IL2RB: variants seen among roughly 807,000 people sequenced by gnomAD.
The protein encoded by IL2RB is interleukin 2 receptor subunit beta, also known as interleukin-2 receptor subunit beta.
A neutral mutation model predicts 44.2 loss-of-function variants in IL2RB; 17 were observed. That is an observed-to-expected ratio of 0.38 (90% CI 0.26 to 0.58). The LOEUF (loss-of-function observed/expected upper bound fraction) is 0.58. Among genes scored for constraint, IL2RB ranks in the 20% least tolerant of loss-of-function variants. The pLI, the probability that IL2RB is intolerant of heterozygous loss-of-function variation, is 0.63. For synonymous variants in IL2RB, 286 were observed against 297.9 expected (o/e 0.96, Z 0.41); for missense variants, 624 against 685.5 (o/e 0.91, Z 1.00).
chr22:37,131,885 C>A (rs1921449182), intron 9 of IL2RB, among the ~76,000 whole-genome samples: 1 of 152,174 alleles, frequency 6.6e-6, no homozygotes, highest in African/African-American at 2.4e-5. Context: ...TACAGGCATG[C>A]ACCACCAGCC....
chr22:37,137,288 G>C (rs533297464), intron 6 of IL2RB, among the ~76,000 whole-genome samples: 9 of 152,354 alleles, frequency 5.9e-5, no homozygotes, highest in African/African-American at 1.7e-4. Flanking sequence ...GTGGAGGGTT[G>C]GCTTCCCTGG....
intron 1 of IL2RB, among the ~76,000 whole-genome samples, chr22:37,171,955 G>A (rs1364557263): frequency 6.6e-6 from 1 of 152,092 alleles, no homozygotes; most frequent in Non-Finnish European, 1.5e-5. Context: ...CCAATACACT[G>A]TGTTTCCCTC....
chr22:37,151,114 T>A (rs972637732), upstream of IL2RB, among the ~76,000 whole-genome samples: 1 of 152,240 alleles, frequency 6.6e-6, no homozygotes, highest in Admixed American at 6.5e-5. Context: ...CTGGATCATA[T>A]AGTAGTTCTA....
rs185302974 is a variant in IL2RB at position 37,129,618 on chromosome 22, A to G, written c.904-770T>C. On this transcript the variant is annotated intron_variant, in intron 9 of 9. Coordinates refer to ENST00000216223, the MANE Select transcript of IL2RB (RefSeq NM_000878.5). ...TGTGTGACCCTGGGAGGGCCCCTGC[A>G]CCTCTCTGGGCCTCAGTTTCCACAA... Among the ~76,000 whole-genome samples the G allele has an allele frequency of 4.4e-3, 668 of 152,078 alleles. 5 individuals are homozygous for G. Among genetic ancestry groups the G allele is most frequent in the African/African-American group, 0.015 (617 of 41,450 alleles).
chr22:37,127,988 C>G lies in IL2RB; in HGVS notation c.*108G>C, dbSNP rs958049157. The G allele has an allele frequency of 5.4e-6, 5 of 926,374 alleles. No homozygotes were observed. In the African/African-American group the frequency reaches 8.7e-5, roughly 16 times the overall value. 57.4% of individuals were successfully genotyped at this position (926,374 alleles called of 1,614,324 possible). A position where few individuals can be genotyped will look rare whatever the true frequency, so the allele number is the denominator to read the frequency against. ...CCATCCGGGTGGAGAAGTCCAGCTG[C>G]AACTGGACACTGAGTGTCCTCAGCA... is the stretch of plus-strand genomic sequence containing the variant. On this transcript the variant is annotated 3_prime_UTR_variant, in exon 10 of 10. Coordinates refer to ENST00000216223, the MANE Select transcript of IL2RB (RefSeq NM_000878.5).
intron 1 of IL2RB, among the ~76,000 whole-genome samples, chr22:37,155,252 A>G (rs1018823536): frequency 6.6e-6 from 1 of 152,086 alleles, no homozygotes; most frequent in Admixed American, 6.5e-5. Context: ...CAGCAGGCCC[A>G]TGGTGGCCTC....
chr22:37,161,321 T>C (rs958699711), intron 1 of IL2RB, among the ~76,000 whole-genome samples: 7 of 152,322 alleles, frequency 4.6e-5, no homozygotes, highest in Admixed American at 4.6e-4. Flanking sequence ...GCCAGCCCTG[T>C]TTCTTCTCAG....
intron 1 of IL2RB, among the ~76,000 whole-genome samples, chr22:37,146,041 T>A (rs946277456): frequency 6.6e-6 from 1 of 152,080 alleles, no homozygotes; most frequent in African/African-American, 2.4e-5. Context: ...ACCCAGCTCA[T>A]CCCCAGCTCT....
At chr22:37,171,775 T>C (rs1923294492) in intron 1 of IL2RB, among the ~76,000 whole-genome samples, 1 of 152,202 alleles carries the variant, frequency 6.6e-6, no homozygotes, top group Non-Finnish European at 1.5e-5. Flanking sequence ...ATTTATGGGA[T>C]TTATAGATGC....
intron 1 of IL2RB, among the ~76,000 whole-genome samples, chr22:37,164,807 C>T (rs2145739392): frequency 6.6e-6 from 1 of 152,250 alleles, no homozygotes; most frequent in Admixed American, 6.5e-5. Context: ...AGAAGCATAG[C>T]CTTCCCAGGG....
At chr22:37,134,596 A>ACTC (rs2146232473) in intron 8 of IL2RB, among the ~76,000 whole-genome samples, 1 of 152,182 alleles carries the variant, frequency 6.6e-6, no homozygotes, top group Non-Finnish European at 1.5e-5. Context: ...ACAGAGTGAG[A>ACTC]CTCTATCTCA....
rs754271259 is a variant in IL2RB at position 37,128,094 on chromosome 22, G to C, written c.*2C>G. On this transcript the variant is annotated 3_prime_UTR_variant, in exon 10 of 10. Coordinates refer to ENST00000216223, the MANE Select transcript of IL2RB (RefSeq NM_000878.5). This position sits in a 1 kb window ranked among gnomAD's most constrained non-coding sequence, Gnocchi z 4.5. ...TGCCTGCCTCCCACCCTGGCCATCT[G>C]TCTACACCAAGTGAGTTGGGTCCTG... The C allele has an allele frequency of 7.7e-6, 12 of 1,551,240 alleles. No homozygotes were observed. In the East Asian group the frequency reaches 2.4e-4, roughly 31 times the overall value.
At chr22:37,159,561 C>T (rs1666820141) in intron 1 of IL2RB, among the ~76,000 whole-genome samples, 1 of 152,188 alleles carries the variant, frequency 6.6e-6, no homozygotes, top group African/African-American at 2.4e-5. Context: ...AACTGTAAAA[C>T]CTCTGCCTCT....
intron 2 of IL2RB, 151 bp downstream of exon 2, chr22:37,143,934 T>C (rs1922102771): frequency 3.5e-6 from 3 of 846,592 alleles, no homozygotes; most frequent in South Asian, 1.5e-5. Flanking sequence ...CATTCATGCA[T>C]GCATGCCAGG....
chr22:37,128,462 G>A lies in IL2RB; in HGVS notation c.1290C>T (p.Phe430=). The change falls in exon 10 of 10, where the codon TTC becomes TTT. Residue 430 remains phenylalanine, a synonymous_variant. Transcript: ENST00000216223. The surrounding 1 kb of genome is among the most constrained non-coding windows in gnomAD (Gnocchi z 4.5). ...TGGGGCCACCGAGGAGACTGGGGGA[G>A]AAGAGCAGCAGGTCATCCCTGGAGG... ...TFPSRDDLLL[F]SPSLLGGPSP... The A allele has an allele frequency of 3.2e-6, 5 of 1,575,966 alleles. No individual in the cohort carries two copies. Among genetic ancestry groups the A allele is most frequent in the Non-Finnish European group, 4.3e-6 (5 of 1,157,664 alleles).
intron 1 of IL2RB, among the ~76,000 whole-genome samples, chr22:37,160,587 T>A (rs1922823262): frequency 6.6e-6 from 1 of 151,996 alleles, no homozygotes; most frequent in Admixed American, 6.6e-5. Context: ...AAAATTGGTA[T>A]TTTTAAAAAC....
At chr22:37,168,134 C>T (rs2145741897) in intron 1 of IL2RB, among the ~76,000 whole-genome samples, 1 of 152,296 alleles carries the variant, frequency 6.6e-6, no homozygotes, top group African/African-American at 2.4e-5. Context: ...TGACCCTTGG[C>T]CTGAACTTTC....
chr22:37,167,348 A>G (rs229495), intron 1 of IL2RB, among the ~76,000 whole-genome samples: 148,520 of 152,260 alleles, frequency 0.98, 72,460 homozygotes, highest in East Asian at 1. Context: ...TCGTCCCACC[A>G]TCTCTCTGCC....
At chr22:37,159,791 A>G (rs1922797290) in intron 1 of IL2RB, among the ~76,000 whole-genome samples, 1 of 152,228 alleles carries the variant, frequency 6.6e-6, no homozygotes, top group South Asian at 2.1e-4. Context: ...GTGCCTGACC[A>G]GTGACAAGGA....
Sources: gnomAD v4.1 joint callset for allele counts (sites outside exome capture counted in the v4.1 genomes callset) on GRCh38, gnomAD v4.1.1 for gene constraint, Gnocchi (gnomAD v3.1) non-coding constraint, MANE v1.5 for transcripts, NCBI Gene and HGNC (gene_info 2026-07-23, HGNC 2026-07-21) for gene names.